SERPINI1: variants seen among roughly 807,000 people sequenced by gnomAD.
SERPINI1 encodes the protein neuroserpin.
A neutral mutation model predicts 41.1 loss-of-function variants in SERPINI1; 19 were observed. That is an observed-to-expected ratio of 0.46 (90% CI 0.32 to 0.68). SERPINI1 has a LOEUF of 0.68. Among genes scored for constraint, SERPINI1 ranks in the 30% least tolerant of loss-of-function variants. SERPINI1 has a pLI of 0.03. For missense variants in SERPINI1, 460 were observed against 479.2 expected (o/e 0.96, Z 0.37); for synonymous variants, 138 against 156.6 (o/e 0.88, Z 0.89).
At chr3:167,759,233 A>G (rs1423625826) in intron 1 of SERPINI1, among the ~76,000 whole-genome samples, 1 of 152,096 alleles carries the variant, frequency 6.6e-6, no homozygotes, top group African/African-American at 2.4e-5. Flanking sequence ...AAATAGAACT[A>G]TCATTTTACC....
At chr3:167,818,398 A>C (rs552813166) in intron 6 of SERPINI1, among the ~76,000 whole-genome samples, 90 of 152,350 alleles carry the variant, frequency 5.9e-4, no homozygotes, top group African/African-American at 2.0e-3. Context: ...TTATCAAATC[A>C]TGTATAATAG....
chr3:167,774,555 T>A (rs1199373019), intron 1 of SERPINI1, among the ~76,000 whole-genome samples: 1 of 152,200 alleles, frequency 6.6e-6, no homozygotes, highest in East Asian at 1.9e-4. Context: ...CAGTGACCTG[T>A]TAGGAACCAG....
At chr3:167,772,869 T>TATATATAC (rs1284509589) in intron 1 of SERPINI1, among the ~76,000 whole-genome samples, 1 of 51,048 alleles carries the variant, frequency 2.0e-5, no homozygotes, top group African/African-American at 1.0e-4. Flanking sequence ...TCTCTCTATA[T>TATATATAC]ATATATATAT....
At chr3:167,737,283 T>C (rs1234755512) in intron 1 of SERPINI1, among the ~76,000 whole-genome samples, 1 of 152,096 alleles carries the variant, frequency 6.6e-6, no homozygotes, top group African/African-American at 2.4e-5. Flanking sequence ...AGATAGATCA[T>C]AGAAAAACAG....
chr3:167,787,667 A>G (rs1727358210), intron 1 of SERPINI1, among the ~76,000 whole-genome samples: 1 of 152,192 alleles, frequency 6.6e-6, no homozygotes, highest in Admixed American at 6.5e-5. Context: ...AGGTGGTGAG[A>G]GTTCATATTT....
intron 3 of SERPINI1, among the ~76,000 whole-genome samples, chr3:167,792,260 GT>G (rs1727547006): frequency 1.3e-5 from 2 of 152,214 alleles, no homozygotes; most frequent in East Asian, 3.9e-4. Context: ...TGGTTCTGTA[GT>G]TTGTGTATCA....
intron 1 of SERPINI1, among the ~76,000 whole-genome samples, chr3:167,778,810 G>A (rs1039124906): frequency 1.3e-5 from 2 of 152,192 alleles, no homozygotes; most frequent in Admixed American, 6.5e-5. Flanking sequence ...AGTTAGTCTG[G>A]GGAAGAGGCT....
In SERPINI1 at chr3:167,799,036, T is replaced by C. The variant is rs1198250317; in HGVS notation, c.881+4212T>C. 2.0e-5 allele frequency among the ~76,000 whole-genome samples: 3 copies of C among 152,142 alleles called. No homozygotes were observed. The East Asian group carries it at 5.8e-4, about 29-fold the overall frequency. ...TTTTTCATATTAAAATGCCTTTATA[T>C]ATATTTTTTGAGCTTTCTCTTTATA... On this transcript the variant is annotated intron_variant, in intron 5 of 8. Coordinates refer to ENST00000446050, the MANE Select transcript of SERPINI1 (RefSeq NM_001122752.2).
intron 1 of SERPINI1, among the ~76,000 whole-genome samples, chr3:167,745,917 CCT>C (rs1292015461): frequency 6.6e-6 from 1 of 152,030 alleles, no homozygotes; most frequent in Admixed American, 6.6e-5. Context: ...TTAAAGAAGA[CCT>C]AAGTAAATTG....
rs572630371 is a variant in SERPINI1 at position 167,780,992 on chromosome 3, A to G, written c.-18-8119A>G. 1.3e-4 allele frequency among the ~76,000 whole-genome samples: 20 copies of G among 152,288 alleles called. No homozygotes were observed. In the Middle Eastern group the frequency reaches 0.02, roughly 155 times the overall value. On this transcript the variant is annotated intron_variant, in intron 1 of 8. Transcript: ENST00000446050. ...CAGCTGATTTCTTTGGACATTGATT[A>G]TAAGATTTATTAGAATTGGGAAAGG... is the stretch of plus-strand genomic sequence containing the variant.
chr3:167,817,724 A>C (rs1341856198), intron 6 of SERPINI1, among the ~76,000 whole-genome samples: 3 of 151,606 alleles, frequency 2.0e-5, no homozygotes, highest in African/African-American at 7.3e-5. Flanking sequence ...CAGCCTCCCG[A>C]GTAGCTGGGA....
chr3:167,745,805 A>AC (rs1725846441), intron 1 of SERPINI1, among the ~76,000 whole-genome samples: 1 of 152,292 alleles, frequency 6.6e-6, no homozygotes, highest in Admixed American at 6.5e-5. Flanking sequence ...ATCCACTTAA[A>AC]ACAGCATAAA....
chr3:167,764,688 A>T (rs1345335767), intron 1 of SERPINI1, among the ~76,000 whole-genome samples: 2 of 152,096 alleles, frequency 1.3e-5, no homozygotes, highest in Non-Finnish European at 2.9e-5. Flanking sequence ...TTCAGCATTA[A>T]CTCCAAAGTC....
At chr3:167,747,936 TG>T (rs1725914939) in intron 1 of SERPINI1, among the ~76,000 whole-genome samples, 1 of 151,626 alleles carries the variant, frequency 6.6e-6, no homozygotes, top group Non-Finnish European at 1.5e-5. Flanking sequence ...TGTGTTTTGT[TG>T]TTTTTTTTTT....
At position 167,825,272 on chromosome 3, in the gene SERPINI1, C is replaced by A; in HGVS notation, c.1182C>A (p.Val394=). The change falls in exon 9 of 9, where the codon GTC becomes GTA. Residue 394 remains valine, a synonymous_variant. Coordinates refer to ENST00000446050, the MANE Select transcript of SERPINI1 (RefSeq NM_001122752.2). ...GTACAATTCTATTCATGGGACGAGT[C>A]ATGCATCCTGAAACAATGAACACAA... ...RTGTILFMGR[V]MHPETMNTSG... The A allele has an allele frequency of 6.2e-7, 1 of 1,613,276 alleles. No homozygotes were observed. Among genetic ancestry groups the A allele is most frequent in the Non-Finnish European group, 8.5e-7 (1 of 1,179,280 alleles).
At chr3:167,743,437 A>AT (rs1725746357) in intron 1 of SERPINI1, among the ~76,000 whole-genome samples, 1 of 152,122 alleles carries the variant, frequency 6.6e-6, no homozygotes, top group Non-Finnish European at 1.5e-5. Flanking sequence ...AAGTACATTA[A>AT]TTTTTTTCTC....
At chr3:167,737,254 A>G (rs1347727225) in intron 1 of SERPINI1, among the ~76,000 whole-genome samples, 2 of 152,064 alleles carry the variant, frequency 1.3e-5, no homozygotes, top group Non-Finnish European at 2.9e-5. Flanking sequence ...ACTCTCACAT[A>G]CCATAGAAAT....
chr3:167,799,434 G>T (rs1368339270), intron 5 of SERPINI1, among the ~76,000 whole-genome samples: 1 of 152,116 alleles, frequency 6.6e-6, no homozygotes, highest in African/African-American at 2.4e-5. Context: ...TCTTTATCCA[G>T]TCTATCACTG....
At chr3:167,767,475 A>C (rs1726604607) in intron 1 of SERPINI1, among the ~76,000 whole-genome samples, 1 of 152,194 alleles carries the variant, frequency 6.6e-6, no homozygotes, top group South Asian at 2.1e-4. Flanking sequence ...TGGATCAAGG[A>C]GTAATTTTGA....
Sources: allele counts gnomAD v4.1 joint callset (sites outside exome capture counted in the v4.1 genomes callset), GRCh38; gene constraint gnomAD v4.1.1; transcripts MANE v1.5; gene names NCBI Gene and HGNC (gene_info 2026-07-23, HGNC 2026-07-21).